POU6F2: variants seen among roughly 807,000 people sequenced by gnomAD.
POU6F2 encodes the protein POU domain, class 6, transcription factor 2.
Under a neutral mutation model 71.3 loss-of-function variants are expected in POU6F2, and 31 were observed. The ratio of observed to expected loss-of-function variants is 0.43; its 90% confidence interval spans 0.33 to 0.59. The LOEUF (loss-of-function observed/expected upper bound fraction) is 0.59, where lower values mean the gene tolerates loss of function less well. POU6F2 is among the 20% of genes least tolerant of loss of function. POU6F2 has a pLI of 0.04. For missense variants in POU6F2, 783 were observed against 856.8 expected (o/e 0.91, Z 1.07); for synonymous variants, 347 against 355.7 (o/e 0.98, Z 0.27).
At chr7:39,161,153 C>T (rs906683073) in intron 2 of POU6F2, among the ~76,000 whole-genome samples, 2 of 152,184 alleles carry the variant, frequency 1.3e-5, no homozygotes, top group Non-Finnish European at 2.9e-5. Flanking sequence ...CCACTCCAGG[C>T]ACCACCTATT....
chr7:39,075,189 G>T (rs1049202008), intron 1 of POU6F2, among the ~76,000 whole-genome samples: 2 of 152,098 alleles, frequency 1.3e-5, no homozygotes, highest in Non-Finnish European at 2.9e-5. Context: ...ACAGAAAATT[G>T]TCTTAGCAAT....
intron 1 of POU6F2, among the ~76,000 whole-genome samples, chr7:39,057,069 G>A (rs531012663): frequency 2.5e-4 from 38 of 152,190 alleles, no homozygotes; most frequent in African/African-American, 8.2e-4. Context: ...AGAAGGGTGC[G>A]TTGGTAGTAT....
chr7:39,278,105 GAGGGGGGGAGGGAGGGAGGA>G (rs1339323979), intron 4 of POU6F2, among the ~76,000 whole-genome samples: 2 of 34,016 alleles, frequency 5.9e-5, no homozygotes, highest in South Asian at 1.1e-3. Context: ...GGGAGGGAGG[GAGGGGGGGAGGGAGGGAGGA>G]AGGAATCAAA....
At chr7:39,325,891 A>C (rs1448843734) in intron 4 of POU6F2, among the ~76,000 whole-genome samples, 1 of 152,218 alleles carries the variant, frequency 6.6e-6, no homozygotes, top group African/African-American at 2.4e-5. Context: ...TTAACACAGG[A>C]ATATAAACTG....
At chr7:39,093,948 T>C (rs1791404004) in intron 2 of POU6F2, among the ~76,000 whole-genome samples, 1 of 152,160 alleles carries the variant, frequency 6.6e-6, no homozygotes, top group Non-Finnish European at 1.5e-5. Context: ...ATCTGTAGTA[T>C]GTATGTATTT....
chr7:39,169,386 G>A (rs1412101282), intron 2 of POU6F2, among the ~76,000 whole-genome samples: 1 of 152,176 alleles, frequency 6.6e-6, no homozygotes, highest in Non-Finnish European at 1.5e-5. Context: ...GGCTTGTTAA[G>A]CCTGTGCGTG....
intron 7 of POU6F2, among the ~76,000 whole-genome samples, chr7:39,434,628 T>G (rs999821982): frequency 7.9e-5 from 12 of 151,438 alleles, no homozygotes; most frequent in African/African-American, 2.7e-4. Flanking sequence ...GGTTTGTTTT[T>G]GGGTTTTTTT....
At chr7:39,074,404 C>T (rs1205411581) in intron 1 of POU6F2, among the ~76,000 whole-genome samples, 3 of 151,876 alleles carry the variant, frequency 2.0e-5, no homozygotes, top group East Asian at 3.9e-4. Flanking sequence ...TGCTTGAACA[C>T]GGAAGGCAGA....
chr7:39,320,825 T>C (rs1268508237), intron 4 of POU6F2, among the ~76,000 whole-genome samples: 1 of 152,036 alleles, frequency 6.6e-6, no homozygotes, highest in Non-Finnish European at 1.5e-5. Context: ...GAGGCTAAGG[T>C]GGGAAGATTG....
At chr7:39,152,070 A>G (rs1792772013) in intron 2 of POU6F2, among the ~76,000 whole-genome samples, 1 of 152,108 alleles carries the variant, frequency 6.6e-6, no homozygotes, top group Non-Finnish European at 1.5e-5. Context: ...ATGCTTGTAT[A>G]CTCATGCAGT....
At chr7:39,063,730 T>C (rs1430072938) in intron 1 of POU6F2, among the ~76,000 whole-genome samples, 1 of 151,872 alleles carries the variant, frequency 6.6e-6, no homozygotes, top group Non-Finnish European at 1.5e-5. Flanking sequence ...TCATTTTTTT[T>C]AAATGACAAA....
intron 2 of POU6F2, among the ~76,000 whole-genome samples, chr7:39,184,546 A>G (rs995774031): frequency 6.6e-6 from 1 of 152,220 alleles, no homozygotes; most frequent in South Asian, 2.1e-4. Context: ...CAGCCCTGGT[A>G]GCAAAATGGT....
chr7:39,053,277 A>G (rs1166445272), intron 1 of POU6F2, among the ~76,000 whole-genome samples: 1 of 152,166 alleles, frequency 6.6e-6, no homozygotes, highest in East Asian at 1.9e-4. Context: ...AGCATTCACT[A>G]GGAAAGTTAC....
intron 1 of POU6F2, among the ~76,000 whole-genome samples, chr7:38,996,316 T>C (rs75521893): frequency 0.12 from 18,077 of 151,704 alleles, 1,117 homozygotes; most frequent in East Asian, 0.13. Flanking sequence ...GCTGGGATTA[T>C]AGATGTGAGC....
intron 1 of POU6F2, among the ~76,000 whole-genome samples, chr7:38,995,780 G>A (rs1309519904): frequency 6.6e-6 from 1 of 152,130 alleles, no homozygotes; most frequent in African/African-American, 2.4e-5. Context: ...TACCTCAGAG[G>A]GTTGCTGTGA....
intron 7 of POU6F2, among the ~76,000 whole-genome samples, chr7:39,449,561 C>A (rs1788606921): frequency 6.6e-6 from 1 of 152,052 alleles, no homozygotes; most frequent in African/African-American, 2.4e-5. Context: ...GTTAAACATG[C>A]ATTTATAGTA....
intron 2 of POU6F2, among the ~76,000 whole-genome samples, chr7:39,124,555 A>G (rs1245991141): frequency 6.6e-6 from 1 of 152,222 alleles, no homozygotes; most frequent in Non-Finnish European, 1.5e-5. Context: ...GTATGGAAGT[A>G]TTGAAGAGTT....
intron 4 of POU6F2, among the ~76,000 whole-genome samples, chr7:39,231,294 A>G (rs1197354738): frequency 6.6e-6 from 1 of 152,186 alleles, no homozygotes; most frequent in Non-Finnish European, 1.5e-5. Context: ...AGTATTCTTC[A>G]CAGTCTAATG....
intron 2 of POU6F2, among the ~76,000 whole-genome samples, chr7:39,153,826 CGGGCAAA>C (rs1562725709): frequency 1.3e-5 from 2 of 152,034 alleles, no homozygotes; most frequent in African/African-American, 4.8e-5. Flanking sequence ...AGAAGCCTTG[CGGGCAAA>C]GGGGACGCAC....
Sources: gnomAD v4.1 joint callset for allele counts (sites outside exome capture counted in the v4.1 genomes callset) on GRCh38, gnomAD v4.1.1 for gene constraint, MANE v1.5 for transcripts, NCBI Gene and HGNC (gene_info 2026-07-23, HGNC 2026-07-21) for gene names.